The following DOCK5 variants were observed in gnomAD, a reference collection of about 807,000 sequenced individuals.
DOCK5 encodes dedicator of cytokinesis 5.
In DOCK5, 142 loss-of-function variants were observed where a neutral mutation model predicts 251.8. The ratio of observed to expected loss-of-function variants is 0.56; its 90% CI spans 0.49 to 0.65. The LOEUF (loss-of-function observed/expected upper bound fraction) is 0.65, where lower values mean the gene tolerates loss of function less well. Among genes scored for constraint, DOCK5 ranks in the 30% least tolerant of loss-of-function variants. The pLI is 0.00. For synonymous variants in DOCK5, 842 were observed against 835.5 expected (o/e 1.01, Z -0.13); for missense variants, 2,111 against 2,312.3 (o/e 0.91, Z 1.79).
intron 1 of DOCK5, among the ~76,000 whole-genome samples, chr8:25,195,975 T>G (rs566816193): frequency 6.6e-6 from 1 of 152,284 alleles, no homozygotes; most frequent in Non-Finnish European, 1.5e-5. Flanking sequence ...ATCAGCAGGA[T>G]TTTGCCCACA....
chr8:25,295,449 A>G (rs1376721431), intron 6 of DOCK5, among the ~76,000 whole-genome samples: 1 of 152,164 alleles, frequency 6.6e-6, no homozygotes, highest in Non-Finnish European at 1.5e-5. Flanking sequence ...ATACAAATGA[A>G]GAAACCAAAG....
At chr8:25,226,647 G>C (rs549211454) in intron 1 of DOCK5, among the ~76,000 whole-genome samples, 281 of 150,060 alleles carry the variant, frequency 1.9e-3, no homozygotes, top group African/African-American at 6.7e-3. Flanking sequence ...GTGCAGTGGC[G>C]TGATCTCAGC....
chr8:25,315,901 T>G (rs544888748), intron 13 of DOCK5, among the ~76,000 whole-genome samples: 9 of 152,352 alleles, frequency 5.9e-5, no homozygotes, highest in African/African-American at 2.2e-4. Flanking sequence ...GCACTCCTGT[T>G]TTCTTATAGT....
intron 11 of DOCK5, chr8:25,304,848 G>C (rs1285712987): frequency 6.6e-6 from 1 of 152,600 alleles, no homozygotes; most frequent in Non-Finnish European, 1.5e-5. Flanking sequence ...AGAGAGTGAA[G>C]GGCTGACCCA....
intron 47 of DOCK5, among the ~76,000 whole-genome samples, chr8:25,403,106 G>T (rs1334655757): frequency 1.3e-5 from 2 of 152,154 alleles, no homozygotes; most frequent in African/African-American, 4.8e-5. Flanking sequence ...TCCTACTGGT[G>T]ACATTTCTAG....
chr8:25,354,496 G>GGGCAGGACTGGATGTAAAGGC (rs1330026017), intron 27 of DOCK5, among the ~76,000 whole-genome samples: 1 of 152,196 alleles, frequency 6.6e-6, no homozygotes, highest in East Asian at 1.9e-4. Flanking sequence ...TTGAAGGGAA[G>GGGCAGGACTGGATGTAAAGGC]GGCAGGACTG....
chr8:25,389,266 T>C, intron 41 of DOCK5, 34 bp downstream of exon 41: 1 of 1,605,014 alleles, frequency 6.2e-7, no homozygotes, highest in African/African-American at 1.3e-5. Flanking sequence ...GCCCCGAGGC[T>C]CTTATGGCTG....
At chr8:25,242,827 C>T (rs1388588389) in intron 1 of DOCK5, among the ~76,000 whole-genome samples, 2 of 152,184 alleles carry the variant, frequency 1.3e-5, no homozygotes, top group Non-Finnish European at 2.9e-5. Context: ...ACCATCGTTG[C>T]ACCGTGCCCT....
At chr8:25,401,324 C>A (rs1041275015) in intron 47 of DOCK5, among the ~76,000 whole-genome samples, 1 of 152,104 alleles carries the variant, frequency 6.6e-6, no homozygotes, top group African/African-American at 2.4e-5. Flanking sequence ...CCATCATAAC[C>A]CTGGAGTTTA....
At chr8:25,342,570 C>A in intron 25 of DOCK5, 63 bp downstream of exon 25, 1 of 1,271,710 alleles carries the variant, frequency 7.9e-7, no homozygotes, top group Non-Finnish European at 1.1e-6. Flanking sequence ...CCATTGCACT[C>A]CAGCCTGGGT....
intron 47 of DOCK5, among the ~76,000 whole-genome samples, chr8:25,402,294 A>AT (rs1053308725): frequency 1.3e-5 from 2 of 150,420 alleles, no homozygotes; most frequent in Admixed American, 6.6e-5. Context: ...CACCCAGCTA[A>AT]TTTTTTTTTG....
In DOCK5 at chr8:25,374,562, A is replaced by G. The variant is rs1344827914; in HGVS notation, c.3726-2A>G. 2 of 1,597,152 alleles carry G rather than the reference A, an allele frequency of 1.3e-6. No individual in the cohort carries two copies. The highest frequency in any genetic ancestry group is 1.7e-6 in the Non-Finnish European group (2 of 1,174,710). On this transcript the variant is annotated splice_acceptor_variant, in intron 36 of 51. Transcript: ENST00000276440. LOFTEE classifies it high-confidence loss of function. ...AATGCTTCCTTCTCCCCTTCTTGCC[A>G]GATATCTGTACAAGCTTCGAGATTT...
chr8:25,350,017 C>G (rs1038359186), intron 26 of DOCK5, among the ~76,000 whole-genome samples: 1 of 152,156 alleles, frequency 6.6e-6, no homozygotes, highest in African/African-American at 2.4e-5. Flanking sequence ...GTAGAACATT[C>G]TTTACCAGGG....
chr8:25,359,442 AC>A (rs1345910544), intron 28 of DOCK5, among the ~76,000 whole-genome samples: 3 of 152,212 alleles, frequency 2.0e-5, no homozygotes, highest in African/African-American at 7.2e-5. Context: ...CGTGGTTGAT[AC>A]CATCATTTTG....
chr8:25,358,211 G>T (rs1800612844), intron 27 of DOCK5, among the ~76,000 whole-genome samples: 1 of 152,142 alleles, frequency 6.6e-6, no homozygotes, highest in Non-Finnish European at 1.5e-5. Context: ...CAGCATGGCT[G>T]GGGAGGCCTC....
intron 44 of DOCK5, 58 bp from the exon 45 acceptor site, chr8:25,395,485 T>C: frequency 6.4e-7 from 1 of 1,555,926 alleles, no homozygotes; most frequent in Non-Finnish European, 8.7e-7. Context: ...TAAACTTTTT[T>C]CAGTCTTTAC....
At chr8:25,243,864 C>T (rs1803025142) in intron 2 of DOCK5, 107 bp downstream of exon 2, 1 of 1,072,966 alleles carries the variant, frequency 9.3e-7, no homozygotes, top group Non-Finnish European at 1.4e-6. Flanking sequence ...CTTCCTGAAA[C>T]AGTGCTAGTA....
intron 1 of DOCK5, among the ~76,000 whole-genome samples, chr8:25,227,064 A>G (rs545280669): frequency 3.0e-4 from 45 of 152,346 alleles, no homozygotes; most frequent in African/African-American, 1.0e-3. Flanking sequence ...CAGTGTTGCA[A>G]TAAACAGCCT....
At chr8:25,319,744 C>T in intron 15 of DOCK5, 68 bp downstream of exon 15, 4 of 1,175,748 alleles carry the variant, frequency 3.4e-6, no homozygotes, top group Non-Finnish European at 4.8e-6. Context: ...CTTCTGTTTA[C>T]CCCCAAATTA....
Sources: allele counts gnomAD v4.1 joint callset (sites outside exome capture counted in the v4.1 genomes callset), GRCh38; gene constraint gnomAD v4.1.1; transcripts MANE v1.5; gene names NCBI Gene and HGNC (gene_info 2026-07-23, HGNC 2026-07-21).